KIAA1217: variants seen among roughly 807,000 people sequenced by gnomAD.
KIAA1217 encodes sickle tail protein homolog.
A neutral mutation model predicts 163.9 loss-of-function variants in KIAA1217; 88 were observed. The ratio of observed to expected loss-of-function variants is 0.54; its 90% CI spans 0.45 to 0.64. The LOEUF (loss-of-function observed/expected upper bound fraction) is 0.64. Among genes scored for constraint, KIAA1217 ranks in the 30% least tolerant of loss-of-function variants. The pLI is 0.00. For missense variants in KIAA1217, 2,372 were observed against 2,475.0 expected (o/e 0.96, Z 0.88); for synonymous variants, 903 against 923.1 (o/e 0.98, Z 0.39).
chr10:23,850,500 A>G (rs1839257343), intron 1 of KIAA1217, among the ~76,000 whole-genome samples: 1 of 152,092 alleles, frequency 6.6e-6, no homozygotes, highest in African/African-American at 2.4e-5. Context: ...GCACTACTCA[A>G]CTGTGATCTT....
intron 2 of KIAA1217, among the ~76,000 whole-genome samples, chr10:24,365,212 TGATGAGG>T (rs1247074949): frequency 6.6e-6 from 1 of 152,196 alleles, no homozygotes; most frequent in Non-Finnish European, 1.5e-5. Context: ...TAAGTTCCTC[TGATGAGG>T]GTCACCTAGC....
chr10:23,783,050 T>C (rs922959478), intron 1 of KIAA1217, among the ~76,000 whole-genome samples: 2 of 152,234 alleles, frequency 1.3e-5, no homozygotes, highest in Non-Finnish European at 2.9e-5. Flanking sequence ...AGAAAGAATG[T>C]GGAATTTTGT....
intron 2 of KIAA1217, among the ~76,000 whole-genome samples, chr10:24,379,859 C>T (rs574655025): frequency 6.6e-6 from 1 of 152,174 alleles, no homozygotes; most frequent in African/African-American, 2.4e-5. Flanking sequence ...TGAGACCACC[C>T]TAGCCAACGT....
intron 2 of KIAA1217, among the ~76,000 whole-genome samples, chr10:24,239,881 C>T (rs976464321): frequency 6.6e-6 from 1 of 152,018 alleles, no homozygotes. Flanking sequence ...TGATGCTTTT[C>T]TCACCGAGGC....
chr10:23,904,090 T>G (rs1214722701), intron 1 of KIAA1217, among the ~76,000 whole-genome samples: 1 of 152,146 alleles, frequency 6.6e-6, no homozygotes, highest in South Asian at 2.1e-4. Flanking sequence ...CTGAATGACT[T>G]TTTTTTGTAT....
At chr10:24,155,413 A>G (rs2064829270) in intron 2 of KIAA1217, among the ~76,000 whole-genome samples, 1 of 152,200 alleles carries the variant, frequency 6.6e-6, no homozygotes, top group African/African-American at 2.4e-5. Context: ...ATTATACACA[A>G]GAAAACTGAG....
intron 2 of KIAA1217, among the ~76,000 whole-genome samples, chr10:24,365,950 G>A (rs555210616): frequency 2.6e-5 from 4 of 152,190 alleles, no homozygotes; most frequent in East Asian, 3.9e-4. Flanking sequence ...CAATCATGAC[G>A]GTACTTAGAG....
chr10:23,814,519 T>G (rs966854529), intron 1 of KIAA1217, among the ~76,000 whole-genome samples: 1 of 152,204 alleles, frequency 6.6e-6, no homozygotes, highest in African/African-American at 2.4e-5. Flanking sequence ...CAGCAAGCAT[T>G]GGGGATGACC....
At chr10:24,050,243 T>C (rs144228566) in intron 2 of KIAA1217, among the ~76,000 whole-genome samples, 73,658 of 151,986 alleles carry the variant, frequency 0.48, 18,538 homozygotes, top group Non-Finnish European at 0.52. Context: ...AATTTTCTCC[T>C]GTTCTGTAGG....
intron 2 of KIAA1217, among the ~76,000 whole-genome samples, chr10:24,363,560 TG>T (rs11301914): frequency 0.64 from 93,340 of 145,056 alleles, 30,591 homozygotes; most frequent in South Asian, 0.77. Flanking sequence ...TTGTGGGTTT[TG>T]TTTTTGTTTT....
intron 2 of KIAA1217, among the ~76,000 whole-genome samples, chr10:24,271,512 A>G (rs1420380202): frequency 6.6e-6 from 1 of 152,148 alleles, no homozygotes; most frequent in Non-Finnish European, 1.5e-5. Flanking sequence ...GCACTTTGGG[A>G]GGCCGAGGTG....
chr10:23,878,122 A>T (rs1403521645), intron 1 of KIAA1217, among the ~76,000 whole-genome samples: 3 of 151,968 alleles, frequency 2.0e-5, no homozygotes, highest in Non-Finnish European at 2.9e-5. Flanking sequence ...CTTATGAGAC[A>T]GTTTGGCTGT....
At chr10:24,270,394 C>T (rs1176450263) in intron 2 of KIAA1217, among the ~76,000 whole-genome samples, 1 of 152,174 alleles carries the variant, frequency 6.6e-6, no homozygotes, top group Admixed American at 6.5e-5. Context: ...TACAACCCAT[C>T]CCTCCATCAT....
intron 2 of KIAA1217, among the ~76,000 whole-genome samples, chr10:24,085,074 C>T (rs560072668): frequency 1.3e-5 from 2 of 152,012 alleles, no homozygotes; most frequent in African/African-American, 2.4e-5. Context: ...CCACCACGCT[C>T]GGCTAATTTT....
intron 2 of KIAA1217, among the ~76,000 whole-genome samples, chr10:24,099,587 T>TATA (rs1564700264): frequency 1.7e-4 from 24 of 137,844 alleles, no homozygotes; most frequent in African/African-American, 6.4e-4. Context: ...ATATATATAT[T>TATA]ATATATATAT....
intron 20 of KIAA1217, chr10:24,545,615 C>G (rs2075653940): frequency 7.2e-7 from 1 of 1,385,134 alleles, no homozygotes; most frequent in African/African-American, 1.5e-5. Context: ...TGTATTCTTC[C>G]TTTCCTCCTT....
At chr10:24,522,658 A>G (rs2071461309) in intron 12 of KIAA1217, among the ~76,000 whole-genome samples, 1 of 152,248 alleles carries the variant, frequency 6.6e-6, no homozygotes, top group South Asian at 2.1e-4. Context: ...CCAGGACTCC[A>G]CACTCACTGA....
intron 2 of KIAA1217, among the ~76,000 whole-genome samples, chr10:24,235,088 G>T (rs1347151885): frequency 6.6e-6 from 1 of 152,098 alleles, no homozygotes; most frequent in South Asian, 2.1e-4. Flanking sequence ...TTTTCTTTGG[G>T]GGACCTCAGT....
chr10:24,290,405 G>A (rs1422354186), intron 2 of KIAA1217, among the ~76,000 whole-genome samples: 1 of 150,456 alleles, frequency 6.6e-6, no homozygotes, highest in Non-Finnish European at 1.5e-5. Flanking sequence ...AAGGCCACAA[G>A]TGCCCTAAAG....
Sources: gnomAD v4.1 joint callset for allele counts (sites outside exome capture counted in the v4.1 genomes callset) on GRCh38, gnomAD v4.1.1 for gene constraint, MANE v1.5 for transcripts, NCBI Gene and HGNC (gene_info 2026-07-23, HGNC 2026-07-21) for gene names.